DGKB: variants seen among roughly 807,000 people sequenced by gnomAD.
DGKB encodes 90 kDa diacylglycerol kinase.
In DGKB, 67 loss-of-function variants were observed where a neutral mutation model predicts 114.3. That is an observed-to-expected ratio of 0.59 (90% CI 0.48 to 0.72). DGKB has a LOEUF of 0.72. DGKB is among the 30% of genes least tolerant of loss of function. DGKB has a pLI of 0.00. For missense variants in DGKB, 907 were observed against 975.2 expected (o/e 0.93, Z 0.93); for synonymous variants, 398 against 323.1 (o/e 1.23, Z -2.49).
At chr7:14,482,160 G>T (rs1487055958) in intron 20 of DGKB, among the ~76,000 whole-genome samples, 2 of 151,884 alleles carry the variant, frequency 1.3e-5, no homozygotes, top group Non-Finnish European at 2.9e-5. Flanking sequence ...AATAATACCT[G>T]CCTTGCTTTG....
intron 1 of DGKB, among the ~76,000 whole-genome samples, chr7:14,857,258 T>TGTGTGTGTG (rs1850297654): frequency 7.2e-5 from 10 of 138,262 alleles, no homozygotes; most frequent in African/African-American, 2.7e-4. Context: ...CTGTGTGTGT[T>TGTGTGTGTG]TGTGTGTGTG....
intron 1 of DGKB, among the ~76,000 whole-genome samples, chr7:14,972,566 T>C (rs1296973241): frequency 6.6e-6 from 1 of 152,062 alleles, no homozygotes; most frequent in African/African-American, 2.4e-5. Flanking sequence ...ATTGAAGTGA[T>C]GAATTAAAGA....
At chr7:14,747,391 T>C (rs1833458206) in intron 4 of DGKB, among the ~76,000 whole-genome samples, 1 of 151,420 alleles carries the variant, frequency 6.6e-6, no homozygotes, top group South Asian at 2.1e-4. Flanking sequence ...TAACTCAGAG[T>C]TTTCAATTCA....
At chr7:14,938,062 C>T (rs1477433400) in intron 1 of DGKB, among the ~76,000 whole-genome samples, 1 of 152,144 alleles carries the variant, frequency 6.6e-6, no homozygotes, top group Non-Finnish European at 1.5e-5. Flanking sequence ...TCCCCCTAAC[C>T]CATACATTGT....
At chr7:14,323,993 G>A (rs921088679) in intron 23 of DGKB, among the ~76,000 whole-genome samples, 7 of 152,246 alleles carry the variant, frequency 4.6e-5, no homozygotes, top group Admixed American at 3.9e-4. Flanking sequence ...TAGAGAAAAT[G>A]TTTTGTCCAT....
At chr7:14,571,345 A>G (rs1330779710) in intron 20 of DGKB, among the ~76,000 whole-genome samples, 1 of 152,226 alleles carries the variant, frequency 6.6e-6, no homozygotes, top group Non-Finnish European at 1.5e-5. Context: ...AATGGAAGCC[A>G]GAAAATCTCT....
chr7:14,736,076 G>T lies in DGKB; in HGVS notation c.287C>A (p.Pro96Gln), dbSNP rs367918629. ...GAGAGCAGGCTTACTTTTTACCATT[G>T]GACTAGAATGAGGAAACTTGTTGCT... ...SFSNKFPHSS[P>Q]MVKSKPALLS... The change falls in exon 5 of 26, where the codon CCA becomes CAA. Residue 96 changes from proline (P) to glutamine (Q), a missense_variant. Physicochemically the swap from Pro to Gln is moderately conservative, Grantham distance 76. Transcript: ENST00000402815. 15 of 1,608,206 alleles carry T rather than the reference G, an allele frequency of 9.3e-6. No homozygotes were observed. Among genetic ancestry groups the T allele is most frequent in the Non-Finnish European group, 1.3e-5 (15 of 1,176,798 alleles).
chr7:14,820,242 C>T (rs140446551), intron 2 of DGKB, among the ~76,000 whole-genome samples: 38 of 152,028 alleles, frequency 2.5e-4, no homozygotes, highest in Admixed American at 4.6e-4. Context: ...AATTTAAATT[C>T]ATGTTTTTTA....
At chr7:14,902,342 C>G (rs1477628676) in intron 1 of DGKB, among the ~76,000 whole-genome samples, 1 of 152,102 alleles carries the variant, frequency 6.6e-6, no homozygotes, top group Non-Finnish European at 1.5e-5. Flanking sequence ...GTTATGTTGC[C>G]CAAAATCACA....
intron 23 of DGKB, among the ~76,000 whole-genome samples, chr7:14,313,966 C>T (rs896111539): frequency 2.0e-5 from 3 of 152,180 alleles, no homozygotes; most frequent in African/African-American, 7.2e-5. Flanking sequence ...TCAAGTGGGT[C>T]CCTCACCCCT....
intron 9 of DGKB, 37 bp downstream of exon 9, chr7:14,694,038 T>C (rs1823383174): frequency 6.4e-7 from 1 of 1,554,906 alleles, no homozygotes; most frequent in Non-Finnish European, 8.7e-7. Flanking sequence ...CCCCACTGAC[T>C]CACCACCAGG....
intron 23 of DGKB, among the ~76,000 whole-genome samples, chr7:14,193,993 C>T (rs372526224): frequency 7.2e-5 from 11 of 151,992 alleles, no homozygotes; most frequent in African/African-American, 1.9e-4. Context: ...AAAACCACAA[C>T]GAGATGTTAC....
chr7:14,912,857 A>G (rs1453136886), intron 1 of DGKB, among the ~76,000 whole-genome samples: 1 of 152,020 alleles, frequency 6.6e-6, no homozygotes, highest in Non-Finnish European at 1.5e-5. Flanking sequence ...CATCTTTCAT[A>G]TTGTCTCGTA....
At chr7:14,211,973 T>C (rs1182370299) in intron 23 of DGKB, among the ~76,000 whole-genome samples, 1 of 41,086 alleles carries the variant, frequency 2.4e-5, no homozygotes, top group African/African-American at 6.9e-5. Context: ...TACTCTCATG[T>C]TTTGTGATAT....
At chr7:14,561,417 T>C (rs1442355941) in intron 20 of DGKB, among the ~76,000 whole-genome samples, 1 of 152,004 alleles carries the variant, frequency 6.6e-6, no homozygotes, top group Non-Finnish European at 1.5e-5. Flanking sequence ...GTACCAAGAG[T>C]GGCGTGCTGT....
chr7:14,225,748 GATTA>G (rs1367966598), intron 23 of DGKB, among the ~76,000 whole-genome samples: 2 of 151,776 alleles, frequency 1.3e-5, no homozygotes, highest in East Asian at 3.9e-4. Context: ...ACAATTAGTG[GATTA>G]ATTAAGAGTA....
At chr7:14,868,548 C>A (rs1338499710) in intron 1 of DGKB, among the ~76,000 whole-genome samples, 1 of 152,000 alleles carries the variant, frequency 6.6e-6, no homozygotes, top group African/African-American at 2.4e-5. Flanking sequence ...GTTGGCTAGG[C>A]TGGTCTCGAA....
chr7:14,949,785 A>T (rs1043326351), intron 1 of DGKB, among the ~76,000 whole-genome samples: 7 of 152,058 alleles, frequency 4.6e-5, no homozygotes, highest in Non-Finnish European at 7.4e-5. Context: ...TAAAAGGATG[A>T]ATTCATGTCC....
chr7:14,224,513 C>T (rs910082121), intron 23 of DGKB, among the ~76,000 whole-genome samples: 2 of 151,900 alleles, frequency 1.3e-5, no homozygotes, highest in Admixed American at 1.3e-4. Context: ...GTTTCTGTTG[C>T]CTGTTTTTTC....
Sources: allele counts gnomAD v4.1 joint callset (sites outside exome capture counted in the v4.1 genomes callset), GRCh38; gene constraint gnomAD v4.1.1; transcripts MANE v1.5; gene names NCBI Gene and HGNC (gene_info 2026-07-23, HGNC 2026-07-21).